Variants in RABGEF1 observed in about 807,000 individuals in gnomAD.
RABGEF1 encodes the protein RAB guanine nucleotide exchange factor 1.
In RABGEF1, 26 loss-of-function variants were observed where a neutral mutation model predicts 57.3. The observed-to-expected ratio is 0.45, with a 90% CI of 0.33 to 0.63. The LOEUF is 0.63. Among genes scored for constraint, RABGEF1 ranks in the 20% least tolerant of loss-of-function variants. RABGEF1 has a pLI of 0.02. For synonymous variants in RABGEF1, 185 were observed against 210.7 expected, an observed-to-expected ratio of 0.88 and a Z score of 1.06; for missense variants, 464 against 607.6, an observed-to-expected ratio of 0.76 and a Z score of 2.48.
At chr7:66,746,719 G>A (rs962547908) in intron 1 of RABGEF1, among the ~76,000 whole-genome samples, 2 of 148,700 alleles carry the variant, frequency 1.3e-5, no homozygotes, top group African/African-American at 5.0e-5. Context: ...CACCTCCCCG[G>A]TTCAAGCGAT....
At chr7:66,765,807 ACCT>A (rs1805557694) in intron 1 of RABGEF1, among the ~76,000 whole-genome samples, 3 of 152,086 alleles carry the variant, frequency 2.0e-5, no homozygotes, top group Non-Finnish European at 4.4e-5. Context: ...GGGACCATTC[ACCT>A]TATACAAATA....
At chr7:66,720,973 A>C (rs1163897342) in intron 2 of RABGEF1, among the ~76,000 whole-genome samples, 1 of 152,190 alleles carries the variant, frequency 6.6e-6, no homozygotes. Flanking sequence ...GCTTGAGTGC[A>C]GTGGCACAAT....
chr7:66,655,909 A>G, the RABGEF1 span, among the ~76,000 whole-genome samples: 320 of 152,352 alleles, frequency 2.1e-3, no homozygotes, highest in African/African-American at 6.9e-3. Flanking sequence ...CAGTCAAGAT[A>G]CTTTCAAAAC....
At chr7:66,711,957 T>G (rs901983450) in intron 1 of RABGEF1, among the ~76,000 whole-genome samples, 6 of 152,226 alleles carry the variant, frequency 3.9e-5, no homozygotes, top group African/African-American at 1.4e-4. Flanking sequence ...TCATTGCCAA[T>G]ACTACACTGT....
At chr7:66,659,619 A>C in the RABGEF1 span, among the ~76,000 whole-genome samples, 1 of 151,928 alleles carries the variant, frequency 6.6e-6, no homozygotes, top group African/African-American at 2.4e-5. Context: ...ACCTCTACCT[A>C]AAATACAAAA....
intron 3 of RABGEF1, among the ~76,000 whole-genome samples, chr7:66,779,283 C>G (rs537013390): frequency 1.1e-4 from 16 of 151,846 alleles, no homozygotes; most frequent in Middle Eastern, 3.4e-3. Context: ...GCAGGTGGAT[C>G]ACCTAAGGTC....
chr7:66,720,194 A>ATTATTATT (rs1263772824), intron 2 of RABGEF1, among the ~76,000 whole-genome samples: 4 of 134,336 alleles, frequency 3.0e-5, no homozygotes, highest in African/African-American at 1.1e-4. Context: ...TATTATTATT[A>ATTATTATT]TTTTTTTTTT....
At chr7:66,734,859 G>A (rs1035561337) in intron 2 of RABGEF1, among the ~76,000 whole-genome samples, 4 of 152,066 alleles carry the variant, frequency 2.6e-5, no homozygotes, top group African/African-American at 7.2e-5. Context: ...TCCTGCACAT[G>A]TCTGCAGTAG....
chr7:66,798,634 C>T (rs1489190286), intron 6 of RABGEF1, among the ~76,000 whole-genome samples: 13 of 152,108 alleles, frequency 8.5e-5, no homozygotes, highest in Admixed American at 6.6e-4. Flanking sequence ...TGGTCCTGCC[C>T]GTGGCCTCCT....
intron 1 of RABGEF1, among the ~76,000 whole-genome samples, chr7:66,700,499 T>TAGGTGGGGGGAGGGGGAGGG (rs1793087625): frequency 1.6e-5 from 1 of 62,662 alleles, no homozygotes; most frequent in South Asian, 7.6e-4. Flanking sequence ...GAGGGGGAGG[T>TAGGTGGGGGGAGGGGGAGGG]AGGGGAGGGG....
chr7:66,720,129 C>T (rs943355178), intron 2 of RABGEF1, among the ~76,000 whole-genome samples: 1 of 151,152 alleles, frequency 6.6e-6, no homozygotes, highest in African/African-American at 2.4e-5. Context: ...CATCTCAATA[C>T]TTGCAGAAAA....
chr7:66,768,830 G>GA (rs1472273098), intron 1 of RABGEF1: 10 of 152,038 alleles, frequency 6.6e-5, no homozygotes, highest in Admixed American at 6.6e-5. Flanking sequence ...CTTTTGTCCA[G>GA]AAAACTGTGG....
Position 66,805,255 on chromosome 7 carries a change from G to C in RABGEF1, c.936G>C (p.Ala312=). 4 of 1,614,158 alleles carry C rather than the reference G, an allele frequency of 2.5e-6. No individual in the cohort carries two copies. The highest frequency in any genetic ancestry group is 3.4e-6 in the Non-Finnish European group (4 of 1,180,032). ...TCACCAAGAATGAGCCGGCGTCAGCGGATGACTTCCTCCCCACCCTCATCT... is the reference window on the plus strand; with the variant it reads ...TCACCAAGAATGAGCCGGCGTCAGCCGATGACTTCCTCCCCACCCTCATCT... ...IKITKNEPAS[A]DDFLPTLIYI... The change falls in exon 8 of 9, where the codon GCG becomes GCC. Residue 312 remains alanine, a synonymous_variant. Transcript: ENST00000284957.
chr7:66,683,537 G>A (rs764174079), intron 1 of RABGEF1, among the ~76,000 whole-genome samples: 124 of 152,258 alleles, frequency 8.1e-4, no homozygotes, highest in Non-Finnish European at 1.3e-3. Flanking sequence ...GTGGTAAGGA[G>A]TGTGAGCTAA....
At chr7:66,707,927 CA>C (rs763987038) in intron 1 of RABGEF1, among the ~76,000 whole-genome samples, 37 of 152,044 alleles carry the variant, frequency 2.4e-4, no homozygotes, top group Non-Finnish European at 4.1e-4. Flanking sequence ...TTAATATAGC[CA>C]CTCTAGCTCT....
chr7:66,790,716 A>G (rs1188584733), intron 4 of RABGEF1, among the ~76,000 whole-genome samples: 1 of 152,238 alleles, frequency 6.6e-6, no homozygotes, highest in Non-Finnish European at 1.5e-5. Context: ...AAGCAGAAGT[A>G]ACCAGTAGGT....
At chr7:66,803,657 G>A (rs2129186273) in intron 7 of RABGEF1, among the ~76,000 whole-genome samples, 1 of 152,214 alleles carries the variant, frequency 6.6e-6, no homozygotes, top group African/African-American at 2.4e-5. Context: ...TTGGGAGGCT[G>A]AGGTGGGCGG....
At chr7:66,682,562 G>C (rs1459961820) in intron 1 of RABGEF1, among the ~76,000 whole-genome samples, 1 of 152,190 alleles carries the variant, frequency 6.6e-6, no homozygotes, top group Non-Finnish European at 1.5e-5. Flanking sequence ...TCCCTGTCCG[G>C]CGGCTCCCCT....
chr7:66,702,433 C>T (rs990602566), intron 1 of RABGEF1, among the ~76,000 whole-genome samples: 3 of 150,974 alleles, frequency 2.0e-5, no homozygotes, highest in Admixed American at 6.7e-5. Flanking sequence ...TGAATAGTAC[C>T]TCTGTGAACC....
Sources: allele counts gnomAD v4.1 joint callset (sites outside exome capture counted in the v4.1 genomes callset), GRCh38; gene constraint gnomAD v4.1.1; transcripts MANE v1.5; gene names NCBI Gene and HGNC (gene_info 2026-07-23, HGNC 2026-07-21).